Variants in VPS37B observed in about 807,000 individuals in gnomAD.
The protein encoded by VPS37B is VPS37B subunit of ESCRT-I, also known as vacuolar protein sorting-associated protein 37B.
VPS37B carries 11 observed loss-of-function variants against 21.2 expected under a neutral mutation model. That is an observed-to-expected ratio of 0.52 (90% confidence interval 0.33 to 0.86). VPS37B has a LOEUF of 0.86. VPS37B is among the 40% of genes least tolerant of loss of function. The pLI is 0.03. For synonymous variants in VPS37B, 175 were observed against 159.6 expected (o/e 1.10, Z -0.73); for missense variants, 389 against 374.8 (o/e 1.04, Z -0.31).
In VPS37B at chr12:122,870,865, C is replaced by T. The variant is rs570999601; in HGVS notation, c.283+25G>A. 6.8e-5 allele frequency: 109 copies of T among 1,592,408 alleles called. No homozygotes were observed. The East Asian group carries it at 2.0e-3, about 30-fold the overall frequency. ...TGTCCTTCTCTCAACTCTTTATTCT[C>T]GAATGATCACCCTTAAAAAGTTACC... On this transcript the variant is annotated intron_variant, in intron 2 of 3. Coordinates refer to ENST00000267202, the MANE Select transcript of VPS37B (RefSeq NM_024667.3).
intron 1 of VPS37B, 108 bp downstream of exon 1, chr12:122,895,844 C>T (rs2034484282): frequency 3.0e-6 from 3 of 1,015,452 alleles, no homozygotes; most frequent in Non-Finnish European, 4.5e-6. Context: ...GCCCAGTCCC[C>T]TCAACACGAC....
At chr12:122,893,210 TAA>T (rs766356107) in intron 1 of VPS37B, among the ~76,000 whole-genome samples, 4 of 152,224 alleles carry the variant, frequency 2.6e-5, no homozygotes, top group South Asian at 2.1e-4. Context: ...ACTATTAATA[TAA>T]GTGATTAATT....
At chr12:122,870,601 T>C in intron 2 of VPS37B, 1 of 260,840 alleles carries the variant, frequency 3.8e-6, no homozygotes, top group Non-Finnish European at 7.4e-6. Context: ...CTGCTTGGGG[T>C]AGTGCACACC....
chr12:122,878,261 A>G (rs1471198820), intron 1 of VPS37B: 2 of 150,648 alleles, frequency 1.3e-5, no homozygotes, highest in Non-Finnish European at 2.9e-5. Flanking sequence ...CAGGAGGCTG[A>G]GGCAAGAGAA....
At position 122,867,457 on chromosome 12, in the gene VPS37B, G is replaced by A. The variant is rs1441070195; in HGVS notation, c.517C>T (p.Leu173=). The A allele has an allele frequency of 2.5e-6, 4 of 1,613,660 alleles. No homozygotes were observed. Among genetic ancestry groups the A allele is most frequent in the Non-Finnish European group, 3.4e-6 (4 of 1,179,988 alleles). ...GGCAGCCTGGGGGGCAGCGGGGCCA[G>A]GGCCTGTGGGAGTCTCTGCCCCTTT... The part of the protein sequence containing the change: ...VLKGQRLPQA[L]APLPPRLPEL... The change falls in exon 4 of 4, where the codon CTG becomes TTG. Residue 173 remains leucine (L), a synonymous_variant. Coordinates refer to ENST00000267202, the MANE Select transcript of VPS37B (RefSeq NM_024667.3). The surrounding 1 kb of genome is among the most constrained non-coding windows in gnomAD (Gnocchi z 5.5).
At chr12:122,891,421 G>A (rs1331512019) in intron 1 of VPS37B, among the ~76,000 whole-genome samples, 1 of 152,226 alleles carries the variant, frequency 6.6e-6, no homozygotes, top group African/African-American at 2.4e-5. Flanking sequence ...GGAAACTGAA[G>A]CACAGGGTTT....
At chr12:122,892,503 TAAA>T (rs139634602) in intron 1 of VPS37B, among the ~76,000 whole-genome samples, 8 of 143,644 alleles carry the variant, frequency 5.6e-5, no homozygotes, top group Non-Finnish European at 3.0e-5. Context: ...TTCTGCCAAT[TAAA>T]AAAAAAAAAA....
chr12:122,869,811 T>C (rs982876479), intron 2 of VPS37B, among the ~76,000 whole-genome samples: 3 of 152,096 alleles, frequency 2.0e-5, no homozygotes, highest in Non-Finnish European at 4.4e-5. Context: ...GCTGCAATCA[T>C]GGCTCACTGC....
chr12:122,866,962 T>C lies in VPS37B; in HGVS notation c.*154A>G. 1.0e-6 allele frequency: 1 copy of C among 962,302 alleles called. No individual in the cohort carries two copies. The highest frequency in any genetic ancestry group is 1.4e-6 in the Non-Finnish European group (1 of 702,792). 59.6% of individuals were successfully genotyped at this position (962,302 alleles called of 1,614,324 possible). On this transcript the variant is annotated 3_prime_UTR_variant, in exon 4 of 4. Transcript: ENST00000267202. Reference sequence around the variant, plus strand: ...TGATGCCCAAAGCCTGGGCTCCTACTACTCACCACTGACCTACAGTTCTAA... The same window carrying C: ...TGATGCCCAAAGCCTGGGCTCCTACCACTCACCACTGACCTACAGTTCTAA...
intron 1 of VPS37B, chr12:122,876,720 A>G (rs76653666): frequency 7.2e-6 from 1 of 139,296 alleles, no homozygotes. Flanking sequence ...TCAGAAAGAG[A>G]AAAAAAAAAA....
intron 1 of VPS37B, among the ~76,000 whole-genome samples, chr12:122,895,598 A>ACTTCAGACCCAGCCTTAAGT (rs1360791052): frequency 1.3e-5 from 2 of 150,646 alleles, no homozygotes; most frequent in East Asian, 2.0e-4. Flanking sequence ...CCTAATCTCC[A>ACTTCAGACCCAGCCTTAAGT]CTTCAGACCC....
chr12:122,867,238 G>C lies in VPS37B; in HGVS notation c.736C>G (p.Arg246Gly), dbSNP rs570240714. Reference sequence around the variant, plus strand: ...CCTTGCTGAGTGGGGAGGCCCACGCGGGGGGGCAGGGGCGGGCACTGTAAT... The same window carrying C: ...CCTTGCTGAGTGGGGAGGCCCACGCCGGGGGGCAGGGGCGGGCACTGTAAT... ...PGLQCPPLPPRVGLPTQQGFS... is the reference protein window; with the variant it reads ...PGLQCPPLPPGVGLPTQQGFS... Residue 246 changes from arginine to glycine, a missense_variant, in exon 4 of 4, where the codon CGC becomes GGC. By Grantham distance (125) the Arg-to-Gly change is moderately radical (BLOSUM62 -2). Coordinates refer to ENST00000267202, the MANE Select transcript of VPS37B (RefSeq NM_024667.3). The surrounding 1 kb of genome is among the most constrained non-coding windows in gnomAD (Gnocchi z 5.5). The C allele has an allele frequency of 3.1e-5, 48 of 1,567,648 alleles. No individual in the cohort carries two copies. Among genetic ancestry groups the C allele is most frequent in the South Asian group, 6.0e-5 (5 of 83,110 alleles).
intron 1 of VPS37B, chr12:122,889,814 C>T (rs1322522301): frequency 6.6e-6 from 1 of 152,408 alleles, no homozygotes; most frequent in Admixed American, 6.5e-5. Flanking sequence ...AATTAACCAC[C>T]ATGGGGCGCA....
intron 2 of VPS37B, chr12:122,870,665 G>C: frequency 2.4e-6 from 1 of 422,724 alleles, no homozygotes; most frequent in East Asian, 4.6e-5. Flanking sequence ...GAGCCCAGGA[G>C]GTCGTGCTGA....
chr12:122,872,214 C>T (rs935477873), intron 1 of VPS37B: 105 of 985,326 alleles, frequency 1.1e-4, no homozygotes, highest in Non-Finnish European at 1.1e-4. Context: ...CGAGTGCACA[C>T]GCACCACACA....
intron 1 of VPS37B, among the ~76,000 whole-genome samples, chr12:122,895,327 C>T (rs1437926085): frequency 6.6e-6 from 1 of 151,478 alleles, no homozygotes; most frequent in Non-Finnish European, 1.5e-5. Context: ...TCCACTCAGT[C>T]CCCCAAAACC....
chr12:122,867,708 A>T lies in VPS37B; in HGVS notation c.367-101T>A. 1 of 1,516,376 alleles carries T rather than the reference A, an allele frequency of 6.6e-7. No homozygotes were observed. Among genetic ancestry groups the T allele is most frequent in the Non-Finnish European group, 9.0e-7 (1 of 1,114,620 alleles). 93.9% of individuals were successfully genotyped at this position (1,516,376 alleles called of 1,614,324 possible). ...GAGGCAACGCCCAGCTGCTTCCAACACTGCCCCCTCCCTGTAACCACCCAG... is the reference window on the plus strand; with the variant it reads ...GAGGCAACGCCCAGCTGCTTCCAACTCTGCCCCCTCCCTGTAACCACCCAG... On this transcript the variant is annotated intron_variant, in intron 3 of 3. Transcript: ENST00000267202. The surrounding 1 kb of genome is among the most constrained non-coding windows in gnomAD (Gnocchi z 5.5).
rs1316448135 is a variant in VPS37B at position 122,868,942 on chromosome 12, C to A, written c.284-380G>T. Among the ~76,000 whole-genome samples, 2 of 152,168 alleles carry A rather than the reference C, an allele frequency of 1.3e-5. No homozygotes were observed. Among genetic ancestry groups the A allele is most frequent in the African/African-American group, 4.8e-5 (2 of 41,434 alleles). ...CAGATCCAGACACAGAACCTTTCCA[C>A]CGGGCGCCCTCACGCCCACTGCACC... On this transcript the variant is annotated intron_variant, in intron 2 of 3. Coordinates refer to ENST00000267202, the MANE Select transcript of VPS37B (RefSeq NM_024667.3). The surrounding 1 kb of genome is among the most constrained non-coding windows in gnomAD (Gnocchi z 5.5).
rs1039452512 is a variant in VPS37B at position 122,867,270 on chromosome 12, T to C, written c.704A>G (p.Tyr235Cys). 3 of 1,547,066 alleles carry C rather than the reference T, an allele frequency of 1.9e-6. No homozygotes were observed. In the African/African-American group the frequency reaches 4.3e-5, roughly 22 times the overall value. ...AAMSSGQAVP[Y>C]PGLQCPPLPP... ...CAGGGGCGGGCACTGTAATCCTGGG[T>C]ACGGCACGGCCTGTCCCGAACTCAT... The change falls in exon 4 of 4, where the codon TAC becomes TGC. Residue 235 changes from tyrosine (Y) to cysteine (C), a missense_variant. Coordinates refer to ENST00000267202, the MANE Select transcript of VPS37B (RefSeq NM_024667.3). This position sits in a 1 kb window ranked among gnomAD's most constrained non-coding sequence, Gnocchi z 5.5.
Sources: allele counts gnomAD v4.1 joint callset (sites outside exome capture counted in the v4.1 genomes callset), GRCh38; gene constraint gnomAD v4.1.1; non-coding constraint Gnocchi (gnomAD v3.1); transcripts MANE v1.5; gene names NCBI Gene and HGNC (gene_info 2026-07-23, HGNC 2026-07-21).